Variants in DLGAP2 observed in about 807,000 individuals in gnomAD.
DLGAP2 encodes disks large-associated protein 2.
A neutral mutation model predicts 100.3 loss-of-function variants in DLGAP2; 26 were observed. The ratio of observed to expected loss-of-function variants is 0.26; its 90% CI spans 0.19 to 0.36. The LOEUF (loss-of-function observed/expected upper bound fraction) is 0.36. Among genes scored for constraint, DLGAP2 ranks in the 10% least tolerant of loss-of-function variants. DLGAP2 has a pLI of 1.00. For missense variants in DLGAP2, 1,858 were observed against 1,453.2 expected, an observed-to-expected ratio of 1.28 and a Z score of -4.53; for synonymous variants, 886 against 630.1, an observed-to-expected ratio of 1.41 and a Z score of -6.08.
chr8:1,430,175 C>A (rs186425181), intron 3 of DLGAP2, among the ~76,000 whole-genome samples: 3 of 150,820 alleles, frequency 2.0e-5, no homozygotes, highest in Non-Finnish European at 4.4e-5. Context: ...TTAAAGGTGA[C>A]ATTCTCTGCA....
intron 8 of DLGAP2, among the ~76,000 whole-genome samples, chr8:1,652,218 C>A (rs1195523761): frequency 6.6e-6 from 1 of 152,174 alleles, no homozygotes; most frequent in Non-Finnish European, 1.5e-5. Flanking sequence ...GAGGTTCTTA[C>A]GTGAAGATGC....
At chr8:1,356,512 C>T (rs970068412) in intron 3 of DLGAP2, among the ~76,000 whole-genome samples, 1 of 152,134 alleles carries the variant, frequency 6.6e-6, no homozygotes, top group Non-Finnish European at 1.5e-5. Context: ...TGCTGGTGGC[C>T]TGGGATGGGA....
chr8:1,631,327 C>T (rs1331651294), intron 7 of DLGAP2, among the ~76,000 whole-genome samples: 2 of 152,112 alleles, frequency 1.3e-5, no homozygotes, highest in South Asian at 2.1e-4. Context: ...GAAGGGTGTC[C>T]ACTGAGGTGT....
intron 3 of DLGAP2, among the ~76,000 whole-genome samples, chr8:1,485,680 G>A (rs1799218441): frequency 6.6e-6 from 1 of 152,206 alleles, no homozygotes; most frequent in Admixed American, 6.5e-5. Context: ...GCCCCTACTT[G>A]ACAGAGGGAG....
intron 3 of DLGAP2, chr8:1,373,685 G>T (rs896328103): frequency 2.0e-5 from 3 of 152,210 alleles, no homozygotes; most frequent in South Asian, 2.1e-4. Context: ...CATCCATGGG[G>T]CGTCCACCAA....
intron 3 of DLGAP2, among the ~76,000 whole-genome samples, chr8:1,357,324 C>T (rs538357699): frequency 6.6e-6 from 1 of 151,930 alleles, no homozygotes; most frequent in African/African-American, 2.4e-5. Flanking sequence ...TAGTGGATGG[C>T]CAGACTCATC....
chr8:1,187,815 C>G (rs1183931284), intron 2 of DLGAP2, among the ~76,000 whole-genome samples: 2 of 129,492 alleles, frequency 1.5e-5, no homozygotes, highest in Non-Finnish European at 3.1e-5. Context: ...CTCACACGCC[C>G]GGGACTTCCG....
intron 2 of DLGAP2, among the ~76,000 whole-genome samples, chr8:1,249,106 C>T (rs752696899): frequency 6.6e-6 from 1 of 152,176 alleles, no homozygotes; most frequent in Non-Finnish European, 1.5e-5. Flanking sequence ...CACGAGTGTC[C>T]TGCATGCTGT....
chr8:1,038,191 A>C (rs1802190833), intron 2 of DLGAP2, among the ~76,000 whole-genome samples: 1 of 152,242 alleles, frequency 6.6e-6, no homozygotes, highest in Non-Finnish European at 1.5e-5. Flanking sequence ...GTGCTAACGC[A>C]GTCAGTGTCT....
chr8:1,507,206 G>T (rs556734928), intron 4 of DLGAP2, among the ~76,000 whole-genome samples: 40 of 152,350 alleles, frequency 2.6e-4, no homozygotes, highest in African/African-American at 9.1e-4. Context: ...GCGGAGCAGG[G>T]GGCAGCGTCC....
intron 1 of DLGAP2, among the ~76,000 whole-genome samples, chr8:775,500 T>C (rs1414185840): frequency 9.8e-4 from 133 of 135,992 alleles, no homozygotes; most frequent in African/African-American, 3.7e-3. Flanking sequence ...CATAGATAGC[T>C]CTTATTATTT....
intron 3 of DLGAP2, among the ~76,000 whole-genome samples, chr8:1,478,611 AC>A (rs1799003881): frequency 6.6e-6 from 1 of 151,886 alleles, no homozygotes; most frequent in Non-Finnish European, 1.5e-5. Flanking sequence ...GATGGCAGCC[AC>A]CCCCACCCCA....
rs146736281 is a variant in DLGAP2 at position 800,464 on chromosome 8, G to A, written c.18+62639G>A. 2.5e-4 allele frequency among the ~76,000 whole-genome samples: 38 copies of A among 152,306 alleles called. 1 individual carries two copies. Among genetic ancestry groups the A allele is most frequent in the African/African-American group, 6.5e-4 (27 of 41,576 alleles). On this transcript the variant is annotated intron_variant, in intron 1 of 14. Coordinates refer to ENST00000637795, the MANE Select transcript of DLGAP2 (RefSeq NM_001346810.2). ...GGGCCCAGCCCTGGCTCTCATGGCG[G>A]AGCAGCCTCCATCTGCCAGGCATGG...
At chr8:1,220,757 G>C (rs1374724670) in intron 2 of DLGAP2, among the ~76,000 whole-genome samples, 1 of 152,168 alleles carries the variant, frequency 6.6e-6, no homozygotes, top group African/African-American at 2.4e-5. Flanking sequence ...AGGCCTCTGA[G>C]AAATTCTTTT....
chr8:1,360,695 C>T (rs187607364), intron 3 of DLGAP2, among the ~76,000 whole-genome samples: 117 of 152,294 alleles, frequency 7.7e-4, no homozygotes, highest in Middle Eastern at 3.4e-3. Context: ...CACACCACAC[C>T]GCCCCCACCA....
intron 3 of DLGAP2, among the ~76,000 whole-genome samples, chr8:1,333,575 C>T (rs1801206544): frequency 6.6e-6 from 1 of 152,146 alleles, no homozygotes; most frequent in Non-Finnish European, 1.5e-5. Flanking sequence ...ACCTCCATTG[C>T]CTGAGCACTG....
At chr8:1,382,848 A>C (rs914080661) in intron 3 of DLGAP2, among the ~76,000 whole-genome samples, 1 of 152,204 alleles carries the variant, frequency 6.6e-6, no homozygotes, top group African/African-American at 2.4e-5. Context: ...AATAAACTTT[A>C]GTATATCCCC....
chr8:1,240,766 T>C (rs1385468085), intron 2 of DLGAP2, among the ~76,000 whole-genome samples: 5 of 59,306 alleles, frequency 8.4e-5, no homozygotes, highest in African/African-American at 1.4e-4. Context: ...GCGCCGTGTC[T>C]AGTTGTCTCA....
chr8:1,205,297 G>C lies in DLGAP2; in HGVS notation c.74-53554G>C, dbSNP rs575136204. ...GAGGTGTGTCCAACCAGGAGGGGTCGGGGATAGCCCCTGAGGCGACGGGCA... is the reference window on the plus strand; with the variant it reads ...GAGGTGTGTCCAACCAGGAGGGGTCCGGGATAGCCCCTGAGGCGACGGGCA... On this transcript the variant is annotated intron_variant, in intron 2 of 14. Transcript: ENST00000637795. 1.6e-4 allele frequency among the ~76,000 whole-genome samples: 24 copies of C among 152,296 alleles called. No individual in the cohort carries two copies. In the South Asian group the frequency reaches 2.1e-3, roughly 13 times the overall value.
Sources: gnomAD v4.1 joint callset for allele counts (sites outside exome capture counted in the v4.1 genomes callset) on GRCh38, gnomAD v4.1.1 for gene constraint, MANE v1.5 for transcripts, NCBI Gene and HGNC (gene_info 2026-07-23, HGNC 2026-07-21) for gene names.